Variants in OXR1 observed in about 807,000 individuals in gnomAD.
The protein encoded by OXR1 is oxidation resistance 1, also known as oxidation resistance protein 1.
OXR1 carries 41 observed loss-of-function variants against 104.6 expected under a neutral mutation model. That is an observed-to-expected ratio of 0.39 (90% CI 0.31 to 0.51). The LOEUF is 0.51. Ranked by LOEUF, OXR1 falls within the 20% of genes least tolerant of loss-of-function variation. The probability of loss-of-function intolerance (pLI) is 0.77; values close to 1 mark genes in which losing one functional copy is unlikely to be tolerated. For missense variants in OXR1, 955 were observed against 1,031.9 expected, an observed-to-expected ratio of 0.93 and a Z score of 1.02; for synonymous variants, 348 against 348.4, an observed-to-expected ratio of 1.00 and a Z score of 0.01.
At chr8:106,302,408 C>G (rs1023390991) in intron 1 of OXR1, among the ~76,000 whole-genome samples, 1 of 151,928 alleles carries the variant, frequency 6.6e-6, no homozygotes, top group African/African-American at 2.4e-5. Flanking sequence ...CGGTGAAACC[C>G]CGTCTCTACT....
chr8:106,286,676 T>C (rs1438199677), intron 1 of OXR1, among the ~76,000 whole-genome samples: 1 of 137,566 alleles, frequency 7.3e-6, no homozygotes, highest in Non-Finnish European at 1.6e-5. Flanking sequence ...TGTTGCTATG[T>C]ACTACAGAAA....
At position 106,618,039 on chromosome 8, in the gene OXR1, G is replaced by A. The variant is rs571144742; in HGVS notation, c.221-61171G>A. On this transcript the variant is annotated intron_variant, in intron 3 of 16. Coordinates refer to ENST00000517566, the MANE Select transcript of OXR1 (RefSeq NM_001198533.2). ...AGGGGTCAGGGACCGGGCGGGAGGA[G>A]AAGGCACTCTGGCAGAAAGGAAATG... 1.3e-4 allele frequency: 194 copies of A among 1,525,952 alleles called. No homozygotes were observed. The South Asian group carries it at 2.2e-3, about 18-fold the overall frequency. 94.5% of individuals were successfully genotyped at this position (1,525,952 alleles called of 1,614,324 possible).
chr8:106,637,831 G>A (rs943623962), intron 3 of OXR1, among the ~76,000 whole-genome samples: 2 of 148,646 alleles, frequency 1.3e-5, no homozygotes, highest in Admixed American at 6.8e-5. Context: ...GCGCGATCTC[G>A]GCTCACTGCA....
At chr8:106,417,706 C>T (rs1818735363) in intron 2 of OXR1, among the ~76,000 whole-genome samples, 1 of 152,148 alleles carries the variant, frequency 6.6e-6, no homozygotes, top group Non-Finnish European at 1.5e-5. Context: ...ACTTTTACCA[C>T]ATTCATACAG....
At chr8:106,487,906 A>C (rs1193754730) in intron 2 of OXR1, among the ~76,000 whole-genome samples, 1 of 151,884 alleles carries the variant, frequency 6.6e-6, no homozygotes, top group African/African-American at 2.4e-5. Context: ...TCTTTAGAGC[A>C]GCATGATTTA....
chr8:106,616,461 A>T (rs1323625338), intron 3 of OXR1, among the ~76,000 whole-genome samples: 2 of 152,074 alleles, frequency 1.3e-5, no homozygotes, highest in Non-Finnish European at 2.9e-5. Context: ...GGAACTCTTA[A>T]AGGAACCAAA....
intron 1 of OXR1, chr8:106,271,850 G>A (rs999661818): frequency 6.6e-6 from 1 of 152,230 alleles, no homozygotes; most frequent in African/African-American, 2.4e-5. Flanking sequence ...TCCCTCTATG[G>A]AAGGGAATCC....
intron 3 of OXR1, among the ~76,000 whole-genome samples, chr8:106,669,218 G>A (rs1046623083): frequency 2.0e-5 from 3 of 152,108 alleles, no homozygotes; most frequent in South Asian, 2.1e-4. Flanking sequence ...AAGTGGAAAA[G>A]CCCATCAAAT....
chr8:106,597,221 G>C (rs7007738), intron 3 of OXR1, among the ~76,000 whole-genome samples: 1 of 152,080 alleles, frequency 6.6e-6, no homozygotes, highest in African/African-American at 2.4e-5. Context: ...GAGCCTTTGG[G>C]GGGGTGATTA....
At chr8:106,684,571 G>T (rs1375541223) in intron 6 of OXR1, among the ~76,000 whole-genome samples, 3 of 152,126 alleles carry the variant, frequency 2.0e-5, no homozygotes, top group Non-Finnish European at 4.4e-5. Flanking sequence ...GGTGGTGGTT[G>T]TGGGCCAAAA....
intron 3 of OXR1, among the ~76,000 whole-genome samples, chr8:106,675,417 G>A (rs569715271): frequency 1.3e-3 from 193 of 152,132 alleles, no homozygotes; most frequent in African/African-American, 4.5e-3. Flanking sequence ...CATATATGGG[G>A]CATTTACAAA....
intron 11 of OXR1, among the ~76,000 whole-genome samples, chr8:106,715,317 G>C (rs932702107): frequency 6.6e-6 from 1 of 151,382 alleles, no homozygotes; most frequent in African/African-American, 2.4e-5. Context: ...CTCAGGGACA[G>C]GAGGGAACTT....
At chr8:106,741,776 C>T (rs1171443712) in intron 14 of OXR1, among the ~76,000 whole-genome samples, 1 of 152,038 alleles carries the variant, frequency 6.6e-6, no homozygotes, top group Non-Finnish European at 1.5e-5. Flanking sequence ...AACACCTGCC[C>T]TCATGGAATT....
At chr8:106,545,044 T>G (rs1050003377) in intron 3 of OXR1, among the ~76,000 whole-genome samples, 3 of 152,122 alleles carry the variant, frequency 2.0e-5, no homozygotes, top group Admixed American at 6.6e-5. Context: ...GTGAAAGCGG[T>G]CCCGTGCACT....
At chr8:106,510,167 T>A (rs1350188813) in intron 2 of OXR1, among the ~76,000 whole-genome samples, 1 of 152,226 alleles carries the variant, frequency 6.6e-6, no homozygotes, top group Non-Finnish European at 1.5e-5. Context: ...CAAGTCTTTT[T>A]TTTAGTTTAT....
chr8:106,630,836 C>T (rs933205349), intron 3 of OXR1, among the ~76,000 whole-genome samples: 1 of 152,144 alleles, frequency 6.6e-6, no homozygotes, highest in Non-Finnish European at 1.5e-5. Flanking sequence ...GTTTCTAACA[C>T]TTCTAGTTCT....
At chr8:106,380,034 A>G (rs6985468) in intron 2 of OXR1, among the ~76,000 whole-genome samples, 1,625 of 152,142 alleles carry the variant, frequency 0.011, 43 homozygotes, top group African/African-American at 0.038. Context: ...TATTGCCACA[A>G]TTTTAAAATA....
intron 11 of OXR1, among the ~76,000 whole-genome samples, chr8:106,724,111 A>ATAT (rs1403664329): frequency 3.3e-5 from 5 of 152,184 alleles, no homozygotes; most frequent in Non-Finnish European, 7.4e-5. Flanking sequence ...GGTAAATTAT[A>ATAT]TATTATAGCT....
Position 106,417,911 on chromosome 8 carries a change from T to C in OXR1, c.23+58275T>C, listed in dbSNP as rs569727490. Among the ~76,000 whole-genome samples, 4 of 152,196 alleles carry C rather than the reference T, an allele frequency of 2.6e-5. No homozygotes were observed. In the East Asian group the frequency reaches 7.7e-4, roughly 29 times the overall value. On this transcript the variant is annotated intron_variant, in intron 2 of 16. Transcript: ENST00000517566. Reference sequence around the variant, plus strand: ...TATCCTCAGGGGACTAGGAGCAGCATTGGTGATGGGGTGGGCTTTACCACT... The same window carrying C: ...TATCCTCAGGGGACTAGGAGCAGCACTGGTGATGGGGTGGGCTTTACCACT...
Sources: allele counts gnomAD v4.1 joint callset (sites outside exome capture counted in the v4.1 genomes callset), GRCh38; gene constraint gnomAD v4.1.1; transcripts MANE v1.5; gene names NCBI Gene and HGNC (gene_info 2026-07-23, HGNC 2026-07-21).